The following RHCE variants were observed in gnomAD, a reference collection of about 807,000 sequenced individuals.
The protein encoded by RHCE is blood group Rh(CE) polypeptide.
RHCE carries 22 observed loss-of-function variants against 43.8 expected under a neutral mutation model. The ratio of observed to expected loss-of-function variants is 0.50; its 90% CI spans 0.36 to 0.72. The LOEUF (loss-of-function observed/expected upper bound fraction) is 0.72, where lower values mean the gene tolerates loss of function less well. RHCE is among the 30% of genes least tolerant of loss of function. The pLI, the probability that RHCE is intolerant of heterozygous loss-of-function variation, is 0.00. For missense variants in RHCE, 385 were observed against 525.4 expected (o/e 0.73, Z 2.61); for synonymous variants, 156 against 210.7 (o/e 0.74, Z 2.25).
intron 2 of RHCE, among the ~76,000 whole-genome samples, chr1:25,405,374 C>T (rs1041808409): frequency 1.5e-4 from 23 of 152,174 alleles, no homozygotes; most frequent in Middle Eastern, 3.4e-3. Context: ...AGTTTTAGGC[C>T]GGGCACAGTG....
At chr1:25,395,334 G>C (rs1268515493) in intron 3 of RHCE, among the ~76,000 whole-genome samples, 1 of 151,226 alleles carries the variant, frequency 6.6e-6, no homozygotes, top group Non-Finnish European at 1.5e-5. Context: ...AGTGGAGGTG[G>C]ATGGGTGGGT....
upstream of RHCE, chr1:25,420,989 T>G: frequency 3.0e-6 from 2 of 672,330 alleles, no homozygotes; most frequent in Non-Finnish European, 5.0e-6. Flanking sequence ...AAATGTATGT[T>G]TTCCAATATT....
At chr1:25,422,922 A>C (rs781362230), upstream of RHCE, among the ~76,000 whole-genome samples, 11 of 152,160 alleles carry the variant, frequency 7.2e-5, no homozygotes, top group Non-Finnish European at 1.6e-4. Flanking sequence ...TGAGAATCTA[A>C]TGCCGCTGCT....
chr1:25,404,024 C>T (rs1161074741), intron 2 of RHCE, among the ~76,000 whole-genome samples: 2 of 150,000 alleles, frequency 1.3e-5, no homozygotes, highest in Admixed American at 6.6e-5. Flanking sequence ...AAAAATTACC[C>T]GGGCATGGTG....
At chr1:25,429,227 T>TTG (rs2042830112) in intron 1 of RHCE, among the ~76,000 whole-genome samples, 1 of 145,948 alleles carries the variant, frequency 6.9e-6, no homozygotes, top group Admixed American at 6.7e-5. Context: ...GGAAGTTTTT[T>TTG]TTTTTTTTTT....
intron 2 of RHCE, among the ~76,000 whole-genome samples, chr1:25,406,820 T>C (rs1397337515): frequency 2.6e-5 from 3 of 115,664 alleles, no homozygotes; most frequent in African/African-American, 8.0e-5. Flanking sequence ...CGAGACAGGG[T>C]TTCTCCGAGT....
intron 2 of RHCE, among the ~76,000 whole-genome samples, chr1:25,427,644 GGCCTC>G (rs1349779929): frequency 6.6e-6 from 1 of 152,210 alleles, no homozygotes; most frequent in Non-Finnish European, 1.5e-5. Context: ...GTCCTGCTCT[GGCCTC>G]TCCTTGGGTC....
chr1:25,429,111 G>A (rs1166564079), intron 1 of RHCE: 1 of 152,164 alleles, frequency 6.6e-6, no homozygotes, highest in African/African-American at 2.4e-5. Context: ...AACGCATTTG[G>A]TGTAAAGTTT....
At chr1:25,429,550 A>G (rs2042833789) in intron 1 of RHCE, among the ~76,000 whole-genome samples, 1 of 152,206 alleles carries the variant, frequency 6.6e-6, no homozygotes. Flanking sequence ...ATTCTGCAAT[A>G]TTTTCAGAAA....
In RHCE at chr1:25,362,354, TAA is replaced by T. The variant is rs2124273786; in HGVS notation, c.*171_*172del. On this transcript the variant is annotated 3_prime_UTR_variant, in exon 10 of 10. Coordinates refer to ENST00000294413, the MANE Select transcript of RHCE (RefSeq NM_020485.8). Reference sequence around the variant, plus strand: ...ATTTTAAACTTATTAAATTGACTCTTAAACTAAGTTTTTAGTCTTTAATTTTT... The same window carrying T: ...ATTTTAAACTTATTAAATTGACTCTTACTAAGTTTTTAGTCTTTAATTTTT... 6.9e-7 allele frequency: 1 copy of T among 1,445,268 alleles called. No homozygotes were observed. Among genetic ancestry groups the T allele is most frequent in the East Asian group, 2.4e-5 (1 of 40,918 alleles). The allele number at this position is 1,445,268 out of a possible 1,614,324, so 89.5% of individuals were successfully genotyped here.
At chr1:25,399,626 C>G (rs180716629) in intron 3 of RHCE, among the ~76,000 whole-genome samples, 43 of 152,236 alleles carry the variant, frequency 2.8e-4, no homozygotes, top group African/African-American at 9.9e-4. Flanking sequence ...GAAAATTAGA[C>G]AGTGTTTAAT....
intron 8 of RHCE, among the ~76,000 whole-genome samples, chr1:25,373,820 A>G (rs1409136825): frequency 1.3e-5 from 2 of 150,506 alleles, no homozygotes; most frequent in African/African-American, 4.9e-5. Flanking sequence ...TTCTGGATGG[A>G]ATGTATATTT....
rs755294301 is a variant in RHCE, at chr1:25,406,954, A to G, written c.335+1729T>C. 2.3e-4 allele frequency among the ~76,000 whole-genome samples: 27 copies of G among 116,180 alleles called. 8 individuals are homozygous for G. Among genetic ancestry groups the G allele is most frequent in the East Asian group, 1.8e-3 (4 of 2,212 alleles). The allele number at this position is 116,180 out of a possible 152,430, so 76.2% of individuals were successfully genotyped here. A position where few individuals can be genotyped will look rare whatever the true frequency, so the allele number is the denominator to read the frequency against. On this transcript the variant is annotated intron_variant, in intron 2 of 9. Coordinates refer to ENST00000294413, the MANE Select transcript of RHCE (RefSeq NM_020485.8). ...AAACTGTTTTTTGAGACAGGGTCTC[A>G]CTCTGTTGTCCAGGCTGGAGTAAAG...
intron 7 of RHCE, among the ~76,000 whole-genome samples, chr1:25,378,495 A>T (rs1239882411): frequency 6.6e-6 from 1 of 152,366 alleles, no homozygotes; most frequent in South Asian, 2.1e-4. Context: ...ATCTTTTCTT[A>T]GATTCTCGAT....
At chr1:25,424,516 T>C (rs2042790684), upstream of RHCE, among the ~76,000 whole-genome samples, 1 of 151,986 alleles carries the variant, frequency 6.6e-6, no homozygotes, top group Non-Finnish European at 1.5e-5. Context: ...GCCTCCCGAG[T>C]AGCTGGGATT....
chr1:25,378,372 G>A (rs1382255692), intron 7 of RHCE, among the ~76,000 whole-genome samples: 1 of 152,190 alleles, frequency 6.6e-6, no homozygotes, highest in African/African-American at 2.4e-5. Flanking sequence ...AATGTTCAGA[G>A]GAGCAATACT....
upstream of RHCE, among the ~76,000 whole-genome samples, chr1:25,422,925 C>A (rs2042778022): frequency 2.0e-5 from 3 of 152,170 alleles, no homozygotes; most frequent in Admixed American, 2.0e-4. Context: ...GAATCTAATG[C>A]CGCTGCTGAT....
intron 8 of RHCE, among the ~76,000 whole-genome samples, chr1:25,372,916 C>G (rs1349265517): frequency 1.3e-5 from 2 of 151,638 alleles, no homozygotes; most frequent in Non-Finnish European, 2.9e-5. Flanking sequence ...CTGATCCTCC[C>G]ATCTCAGCCT....
rs558333168 is a variant in RHCE at position 25,377,756 on chromosome 1, T to C, written c.1074-2328A>G. On this transcript the variant is annotated intron_variant, in intron 7 of 9. Transcript: ENST00000294413. ...AAAAATTATTTTGTCTATACAAAAATTCGGTGGGCATGGTGGCATGCACCT... is the reference window on the plus strand; with the variant it reads ...AAAAATTATTTTGTCTATACAAAAACTCGGTGGGCATGGTGGCATGCACCT... Among the ~76,000 whole-genome samples, 443 of 152,220 alleles carry C rather than the reference T, an allele frequency of 2.9e-3. 1 individual carries two copies. The highest frequency in any genetic ancestry group is 0.01 in the African/African-American group (430 of 41,526).
Sources: gnomAD v4.1 joint callset for allele counts (sites outside exome capture counted in the v4.1 genomes callset) on GRCh38, gnomAD v4.1.1 for gene constraint, MANE v1.5 for transcripts, NCBI Gene and HGNC (gene_info 2026-07-23, HGNC 2026-07-21) for gene names.